TYMP: variants seen among roughly 807,000 people sequenced by gnomAD.
The protein encoded by TYMP is gliostatin.
In TYMP, 46 loss-of-function variants were observed where a neutral mutation model predicts 42.3. The observed-to-expected ratio is 1.09, with a 90% CI of 0.86 to 1.39. The LOEUF (loss-of-function observed/expected upper bound fraction) is 1.39, where lower values mean the gene tolerates loss of function less well. Among genes scored for constraint, TYMP ranks in the 40% most tolerant of loss-of-function variants. The pLI is 0.00. For synonymous variants in TYMP, 363 were observed against 308.0 expected (o/e 1.18, Z -1.87); for missense variants, 837 against 677.6 (o/e 1.24, Z -2.61).
At chr22:50,528,903 C>T (rs2069487892) in intron 3 of TYMP, 2 of 622,940 alleles carry the variant, frequency 3.2e-6, no homozygotes, top group Non-Finnish European at 5.7e-6. Context: ...GGTCTGAATT[C>T]CATCAGTGGA....
At position 50,529,757 on chromosome 22, in the gene TYMP, C is replaced by T. The variant is rs754240947; in HGVS notation, c.-10-38G>A. Reference sequence around the variant, plus strand: ...CTGACACGTCCGGGGTCTGCGGCCTCCCGGCGTCGGTGTCTGAGCCACGTG... The same window carrying T: ...CTGACACGTCCGGGGTCTGCGGCCTTCCGGCGTCGGTGTCTGAGCCACGTG... On this transcript the variant is annotated intron_variant, in intron 1 of 9. Transcript: ENST00000252029. 2.6e-6 allele frequency: 4 copies of T among 1,559,074 alleles called. No homozygotes were observed. In the East Asian group the frequency reaches 9.3e-5, roughly 36 times the overall value.
intron 4 of TYMP, chr22:50,527,957 T>C (rs1459124862): frequency 1.8e-6 from 1 of 543,342 alleles, no homozygotes; most frequent in Non-Finnish European, 3.3e-6. Flanking sequence ...TTCTTCTTTT[T>C]TTTGTAGAGA....
Position 50,526,385 on chromosome 22 carries a change from A to C in TYMP, c.1020T>G (p.Leu340=). 1 of 1,528,208 alleles carries C rather than the reference A, an allele frequency of 6.5e-7. No homozygotes were observed. Among genetic ancestry groups the C allele is most frequent in the Non-Finnish European group, 8.7e-7 (1 of 1,148,484 alleles). 94.7% of individuals were successfully genotyped at this position (1,528,208 alleles called of 1,614,324 possible). The change falls in exon 8 of 10, where the codon CTT becomes CTG. Residue 340 remains leucine, a synonymous_variant. Transcript: ENST00000252029. ...CCGCCAGCATCCGCTCGAAGCGGCC[A>C]AGGGCCGAGCCGTCGTCCAGCGCCG... ...VAAALDDGSA[L]GRFERMLAAQ... is the part of the protein sequence containing the mutation.
In TYMP at chr22:50,527,666, G is replaced by A. The variant is rs1201217006; in HGVS notation, c.568C>T (p.Gln190Ter). The A allele has an allele frequency of 6.2e-7, 1 of 1,613,858 alleles. No homozygotes were observed. The highest frequency in any genetic ancestry group is 1.1e-5 in the South Asian group (1 of 91,084). Residue 190 changes from glutamine to a stop codon, truncating the protein, a stop_gained, in exon 5 of 10, where the codon CAG becomes TAG. Transcript: ENST00000252029. LOFTEE classifies it high-confidence loss of function. ...AGGATTCCGTCCGCAGGAACCAGCT[G>A]CTCACTCTGACCCACGATACAGCAG... The part of the protein sequence containing the change: ...AGCCIVGQSE[Q>*]LVPADGILYA...
Position 50,529,116 on chromosome 22 carries a change from G to T in TYMP, c.417+20C>A, listed in dbSNP as rs949820982. 6.2e-6 allele frequency: 10 copies of T among 1,612,426 alleles called. No individual in the cohort carries two copies. The highest frequency in any genetic ancestry group is 1.7e-5 in the Admixed American group (1 of 60,002). ...CATGTGCGGTATAGGCTCCCGTCTGGAAAGGAGGTGGTTTCTAACCTTGCA... is the reference window on the plus strand; with the variant it reads ...CATGTGCGGTATAGGCTCCCGTCTGTAAAGGAGGTGGTTTCTAACCTTGCA... On this transcript the variant is annotated intron_variant, in intron 3 of 9. Coordinates refer to ENST00000252029, the MANE Select transcript of TYMP (RefSeq NM_001953.5).
In TYMP at chr22:50,529,151, C is replaced by G. The variant is rs747718279; in HGVS notation, c.402G>C (p.Ala134=). ...GGTTTCTAACCTTGCAGCCACATGC[C>G]GCCAGGGCAGGTGCGAGGACCAGGC... ...KVSLVLAPAL[A]ACGCKVPMIS... The change falls in exon 3 of 10, where the codon GCG becomes GCC. Residue 134 remains alanine, a synonymous_variant. Coordinates refer to ENST00000252029, the MANE Select transcript of TYMP (RefSeq NM_001953.5). The G allele has an allele frequency of 3.7e-6, 6 of 1,613,020 alleles. No individual in the cohort carries two copies. In the Admixed American group the frequency reaches 8.3e-5, roughly 22 times the overall value.
Position 50,527,156 on chromosome 22 carries a change from A to G in TYMP, c.765+9T>C, listed in dbSNP as rs1415721777. The G allele has an allele frequency of 6.2e-7, 1 of 1,609,404 alleles. No individual in the cohort carries two copies. Among genetic ancestry groups the G allele is most frequent in the Admixed American group, 1.7e-5 (1 of 60,000 alleles). On this transcript the variant is annotated intron_variant, in intron 6 of 9. Transcript: ENST00000252029. ...AGACGCTTGCCCAGGGAAAGGCCAC[A>G]CCGCTCACCAGCGTCTTTGCCAGCT... is the stretch of plus-strand genomic sequence containing the variant.
chr22:50,529,516 C>T lies in TYMP; in HGVS notation c.194G>A (p.Ser65Asn), dbSNP rs570047465. 2.1e-4 allele frequency: 335 copies of T among 1,612,974 alleles called. 2 individuals are homozygous for T. In the South Asian group the frequency reaches 3.5e-3, roughly 17 times the overall value. ...CGCACCGATCTGTGCGCCCTGCGCG[C>T]TCCCATTCACCACAGCGGCCACGAA... ...RGFVAAVVNGSAQGAQIGAML... is the reference protein window; with the variant it reads ...RGFVAAVVNGNAQGAQIGAML... Residue 65 changes from serine to asparagine, a missense_variant, in exon 2 of 10, where the codon AGC becomes AAC. Ser to Asn is a conservative substitution (Grantham distance 46). Coordinates refer to ENST00000252029, the MANE Select transcript of TYMP (RefSeq NM_001953.5).
chr22:50,526,130 G>C lies in TYMP; in HGVS notation c.1171C>G (p.Leu391Val). The change falls in exon 9 of 10, where the codon CTG becomes GTG. Residue 391 changes from leucine to valine, a missense_variant. Leu to Val is a conservative substitution (Grantham distance 32). Transcript: ENST00000252029. ...LLAPADGTVE[L>V]VRALPLALVL... Reference sequence around the variant, plus strand: ...AGCGCCAGCGGCAGCGCCCGGACCAGCTCCACGGTGCCTGCGGGGAGAGGG... The same window carrying C: ...AGCGCCAGCGGCAGCGCCCGGACCACCTCCACGGTGCCTGCGGGGAGAGGG... The C allele has an allele frequency of 4.0e-6, 6 of 1,487,616 alleles. No homozygotes were observed. The highest frequency in any genetic ancestry group is 1.5e-5 in the African/African-American group (1 of 68,380). The allele number at this position is 1,487,616 out of a possible 1,614,324, so 92.2% of individuals were successfully genotyped here.
chr22:50,529,370 G>T (rs1354086115), intron 2 of TYMP, 32 bp from the exon 3 acceptor site: 1 of 1,610,678 alleles, frequency 6.2e-7, no homozygotes, highest in Admixed American at 1.7e-5. Flanking sequence ...GAGGGTGGCA[G>T]CCCACAGCGG....
chr22:50,525,914 G>T lies in TYMP; in HGVS notation c.1305C>A (p.Thr435=), dbSNP rs1432468645. 2 of 1,529,484 alleles carry T rather than the reference G, an allele frequency of 1.3e-6. No individual in the cohort carries two copies. Among genetic ancestry groups the T allele is most frequent in the African/African-American group, 2.8e-5 (2 of 70,620 alleles). 94.7% of individuals were successfully genotyped at this position (1,529,484 alleles called of 1,614,324 possible). A position where few individuals can be genotyped will look rare whatever the true frequency, so the allele number is the denominator to read the frequency against. Reference sequence around the variant, plus strand: ...CGTCCCGGTGCACGCGGAGCCAGGGGGTCCCTGCAGAGCGAGGGGCTGTTA... The same window carrying T: ...CGTCCCGGTGCACGCGGAGCCAGGGTGTCCCTGCAGAGCGAGGGGCTGTTA... The part of the protein sequence containing the change: ...VDVGQRLRRG[T]PWLRVHRDGP... The change falls in exon 10 of 10, where the codon ACC becomes ACA. Residue 435 remains threonine (T), a synonymous_variant. Transcript: ENST00000252029.
intron 6 of TYMP, 23 bp from the exon 7 acceptor site, chr22:50,526,761 GGA>G: frequency 6.5e-7 from 1 of 1,532,788 alleles, no homozygotes. Flanking sequence ...GGCTCAGCGT[GGA>G]CCCCCCATGG....
In TYMP at chr22:50,528,501, G is replaced by A. The variant is rs751642764; in HGVS notation, c.516+11C>T. On this transcript the variant is annotated intron_variant, in intron 4 of 9. Coordinates refer to ENST00000252029, the MANE Select transcript of TYMP (RefSeq NM_001953.5). The stretch of plus-strand genomic sequence containing the variant: ...AACCTGGATTAATGACTGATCCGTG[G>A]CGCCCCGTACCTGCTCTGGGCTCTG... 7 of 1,611,768 alleles carry A rather than the reference G, an allele frequency of 4.3e-6. No homozygotes were observed. In the Admixed American group the frequency reaches 8.3e-5, roughly 19 times the overall value.
rs754924121 is a variant in TYMP, at chr22:50,525,892, C to G, written c.1327G>C (p.Asp443His). The change falls in exon 10 of 10, where the codon GAC becomes CAC. Residue 443 changes from aspartate (D) to histidine (H), a missense_variant. By Grantham distance (81) the Asp-to-His change is moderately conservative. Transcript: ENST00000252029. ...RGTPWLRVHR[D>H]GPALSGPQSR... ...TGCGGGCCGCTGAGCGCGGGGCCGT[C>G]CCGGTGCACGCGGAGCCAGGGGGTC... The G allele has an allele frequency of 1.3e-5, 21 of 1,570,052 alleles. No homozygotes were observed. In the South Asian group the frequency reaches 1.9e-4, roughly 15 times the overall value.
In TYMP at chr22:50,526,236, C is replaced by G. The variant is rs1438872321; in HGVS notation, c.1159+10G>C. 2.0e-6 allele frequency: 3 copies of G among 1,530,502 alleles called. No homozygotes were observed. Among genetic ancestry groups the G allele is most frequent in the Middle Eastern group, 1.8e-4 (1 of 5,634 alleles). The allele number at this position is 1,530,502 out of a possible 1,614,324, so 94.8% of individuals were successfully genotyped here. ...GGAGGCGGAAGGACGGGGACTCCCC[C>G]GACGCTCACCATCTGCGGGCGCCAG... On this transcript the variant is annotated intron_variant, in intron 8 of 9. Coordinates refer to ENST00000252029, the MANE Select transcript of TYMP (RefSeq NM_001953.5).
Position 50,529,281 on chromosome 22 carries a change from A to T in TYMP, c.272T>A (p.Leu91Gln). ...TCCCGACTGAGCCAGGGCCTGGGTC[A>T]GCACCGAGGTCTCCTCCAGATCCAT... ...RGMDLEETSV[L>Q]TQALAQSGQQ... The change falls in exon 3 of 10, where the codon CTG becomes CAG. Residue 91 changes from leucine (L) to glutamine (Q), a missense_variant. Physicochemically the swap from Leu to Gln is moderately radical, Grantham distance 113. Transcript: ENST00000252029. The T allele has an allele frequency of 6.2e-7, 1 of 1,613,386 alleles. No individual in the cohort carries two copies. Among genetic ancestry groups the T allele is most frequent in the Non-Finnish European group, 8.5e-7 (1 of 1,180,000 alleles).
At position 50,529,975 on chromosome 22, in the gene TYMP, G is replaced by T. The variant is rs1462773364; in HGVS notation, c.-82C>A. 9 of 560,250 alleles carry T rather than the reference G, an allele frequency of 1.6e-5. No individual in the cohort carries two copies. The highest frequency in any genetic ancestry group is 1.3e-4 in the African/African-American group (7 of 52,384). The allele number at this position is 560,250 out of a possible 1,614,324, so 34.7% of individuals were successfully genotyped here. A position where few individuals can be genotyped will look rare whatever the true frequency, so the allele number is the denominator to read the frequency against. On this transcript the variant is annotated 5_prime_UTR_variant, in exon 1 of 10. Coordinates refer to ENST00000252029, the MANE Select transcript of TYMP (RefSeq NM_001953.5). ...GGTACCCGGCCTCGCCCGCGGGTCG[G>T]GACCGTAGGGTTCAGGGTTCGCGCA...
At chr22:50,527,431 A>G in intron 5 of TYMP, 148 bp from the exon 6 acceptor site, 1 of 1,316,322 alleles carries the variant, frequency 7.6e-7, no homozygotes, top group Non-Finnish European at 1.1e-6. Flanking sequence ...TGGGTTGAGT[A>G]TCAGGCCACC....
chr22:50,529,057 G>C, intron 3 of TYMP, 79 bp downstream of exon 3: 1 of 1,467,750 alleles, frequency 6.8e-7, no homozygotes, highest in Non-Finnish European at 9.5e-7. Context: ...CCAGGCTTGA[G>C]GTTGGGAGCT....
Sources: allele counts gnomAD v4.1 joint callset, GRCh38; gene constraint gnomAD v4.1.1; transcripts MANE v1.5; gene names NCBI Gene and HGNC (gene_info 2026-07-23, HGNC 2026-07-21).